The following CEP70 variants were observed in gnomAD, a reference collection of about 807,000 sequenced individuals.
CEP70 encodes the protein centrosomal protein of 70 kDa.
Under a neutral mutation model 90.9 loss-of-function variants are expected in CEP70, and 70 were observed. The observed-to-expected ratio is 0.77, with a 90% CI of 0.64 to 0.94. The LOEUF (loss-of-function observed/expected upper bound fraction) is 0.94, where lower values mean the gene tolerates loss of function less well. Among genes scored for constraint, CEP70 ranks in the 40% least tolerant of loss-of-function variants. The pLI, the probability that CEP70 is intolerant of heterozygous loss-of-function variation, is 0.00. For synonymous variants in CEP70, 220 were observed against 228.3 expected (o/e 0.96, Z 0.33); for missense variants, 648 against 669.0 (o/e 0.97, Z 0.35).
rs534371129 is a variant in CEP70 at position 138,583,869 on chromosome 3, A to T, written c.-6+7985T>A. 2.0e-5 allele frequency among the ~76,000 whole-genome samples: 3 copies of T among 152,196 alleles called. No individual in the cohort carries two copies. The South Asian group carries it at 6.2e-4, about 31-fold the overall frequency. Reference sequence around the variant, plus strand: ...TGAAAAGAAAAACTTCAAATAAACAACCTAATGAACTAGAACTAGAAAAGC... The same window carrying T: ...TGAAAAGAAAAACTTCAAATAAACATCCTAATGAACTAGAACTAGAAAAGC... On this transcript the variant is annotated intron_variant, in intron 2 of 17. Transcript: ENST00000264982.
chr3:138,568,770 G>A (rs2040955509), intron 6 of CEP70, among the ~76,000 whole-genome samples: 1 of 151,960 alleles, frequency 6.6e-6, no homozygotes, highest in Admixed American at 6.6e-5. Flanking sequence ...CACGAAGTCA[G>A]GAGTTCAAGA....
chr3:138,549,880 A>C (rs988267321), intron 6 of CEP70, among the ~76,000 whole-genome samples: 30 of 152,146 alleles, frequency 2.0e-4, no homozygotes, highest in South Asian at 6.2e-4. Context: ...GACGGTTCAC[A>C]TCAAAGGACT....
chr3:138,549,804 G>C (rs1447317108), intron 6 of CEP70, among the ~76,000 whole-genome samples: 1 of 152,098 alleles, frequency 6.6e-6, no homozygotes, highest in East Asian at 1.9e-4. Flanking sequence ...TCCTCACAGA[G>C]TCCATTTCAC....
intron 1 of CEP70, among the ~76,000 whole-genome samples, chr3:138,592,541 G>A (rs2108299550): frequency 6.6e-6 from 1 of 151,330 alleles, no homozygotes; most frequent in African/African-American, 2.4e-5. Context: ...CTTAAAATAA[G>A]ATTGTTGGGG....
intron 4 of CEP70, 38 bp from the exon 5 acceptor site, chr3:138,571,195 A>G (rs918539157): frequency 6.5e-7 from 1 of 1,549,206 alleles, no homozygotes; most frequent in South Asian, 1.2e-5. Context: ...TAGTAAAAAT[A>G]AAAGGCAAAA....
intron 6 of CEP70, among the ~76,000 whole-genome samples, chr3:138,544,507 G>GTA (rs1437375207): frequency 1.5e-5 from 2 of 136,562 alleles, no homozygotes; most frequent in Non-Finnish European, 3.2e-5. Context: ...CCACTACAGA[G>GTA]TGTGTATGTA....
chr3:138,558,131 G>T (rs1407047490), intron 6 of CEP70, among the ~76,000 whole-genome samples: 1 of 152,182 alleles, frequency 6.6e-6, no homozygotes, highest in African/African-American at 2.4e-5. Flanking sequence ...TTGCGAGGCC[G>T]AGGCAGGCGG....
rs1017628465 is a variant in CEP70, at chr3:138,550,510, T to G, written c.466-13163A>C. 2.6e-5 allele frequency among the ~76,000 whole-genome samples: 4 copies of G among 152,182 alleles called. No individual in the cohort carries two copies. The East Asian group carries it at 7.7e-4, about 29-fold the overall frequency. ...TCCTGAGTAGCTGGGATTACAGGCA[T>G]GTGCCACCACGCTTGGCTAATTTTG... On this transcript the variant is annotated intron_variant, in intron 6 of 17. Transcript: ENST00000264982.
chr3:138,572,556 T>C (rs1238299065), intron 3 of CEP70, among the ~76,000 whole-genome samples: 7 of 152,222 alleles, frequency 4.6e-5, no homozygotes, highest in Admixed American at 6.5e-5. Flanking sequence ...GATAAAGTAA[T>C]TGTAAATTCT....
chr3:138,525,793 C>G (rs2037172818), intron 10 of CEP70, among the ~76,000 whole-genome samples: 1 of 152,066 alleles, frequency 6.6e-6, no homozygotes, highest in South Asian at 2.1e-4. Flanking sequence ...TAATCTGTTA[C>G]TTGTTTTTAT....
At chr3:138,518,434 G>C (rs968839665) in intron 11 of CEP70, among the ~76,000 whole-genome samples, 1 of 152,202 alleles carries the variant, frequency 6.6e-6, no homozygotes. Flanking sequence ...GCACCTCCCA[G>C]TAGGGGCAGA....
At chr3:138,532,332 TACA>T (rs929066409) in intron 8 of CEP70, among the ~76,000 whole-genome samples, 179 bp downstream of exon 8, 6 of 152,194 alleles carry the variant, frequency 3.9e-5, no homozygotes, top group African/African-American at 1.2e-4. Flanking sequence ...TTAACATAAA[TACA>T]ACAATACATC....
At chr3:138,508,326 A>G (rs1322996544) in intron 12 of CEP70, 113 bp downstream of exon 12, 2 of 724,774 alleles carry the variant, frequency 2.8e-6, no homozygotes, top group African/African-American at 1.7e-5. Flanking sequence ...ATAAGTACAC[A>G]TAAATATGAG....
intron 2 of CEP70, among the ~76,000 whole-genome samples, chr3:138,577,167 G>T (rs773447): frequency 2.7e-5 from 4 of 150,092 alleles, no homozygotes; most frequent in East Asian, 1.9e-4. Flanking sequence ...GACACAGGAA[G>T]GGGAACATCA....
Position 138,570,402 on chromosome 3 carries a change from A to G in CEP70, c.381T>C (p.Gly127=), listed in dbSNP as rs1280333074. 1.2e-6 allele frequency: 2 copies of G among 1,608,736 alleles called. No homozygotes were observed. The highest frequency in any genetic ancestry group is 1.7e-6 in the Non-Finnish European group (2 of 1,178,056). Reference sequence around the variant, plus strand: ...TACTTAGTGATTCATCCTCCAATTCACCAATTTTGGATTTCACACTTTCCA... The same window carrying G: ...TACTTAGTGATTCATCCTCCAATTCGCCAATTTTGGATTTCACACTTTCCA... The part of the protein sequence containing the change: ...QIMESVKSKI[G]ELEDESLSRA... The change falls in exon 6 of 18, where the codon GGT becomes GGC. Residue 127 remains glycine, a synonymous_variant. Transcript: ENST00000264982.
intron 11 of CEP70, among the ~76,000 whole-genome samples, chr3:138,520,275 G>C (rs1026561233): frequency 6.6e-6 from 1 of 151,998 alleles, no homozygotes. Context: ...ACAGATCAAC[G>C]AGACAGAAAA....
At chr3:138,497,924 C>G (rs2034096017) in intron 17 of CEP70, 107 bp downstream of exon 17, 7 of 1,524,292 alleles carry the variant, frequency 4.6e-6, no homozygotes, top group Non-Finnish European at 6.1e-6. Flanking sequence ...TTAGTGGTTT[C>G]CAACCACTAG....
intron 2 of CEP70, among the ~76,000 whole-genome samples, chr3:138,573,671 G>A (rs2041332804): frequency 6.6e-6 from 1 of 152,190 alleles, no homozygotes; most frequent in Admixed American, 6.5e-5. Flanking sequence ...AAATGGGCGA[G>A]TTTAAACACA....
intron 16 of CEP70, among the ~76,000 whole-genome samples, chr3:138,498,535 C>A (rs1290668649): frequency 1.3e-5 from 2 of 151,366 alleles, no homozygotes; most frequent in African/African-American, 2.4e-5. Flanking sequence ...GGGGTTTCAC[C>A]GTGTTAGCCA....
Sources: gnomAD v4.1 joint callset for allele counts (sites outside exome capture counted in the v4.1 genomes callset) on GRCh38, gnomAD v4.1.1 for gene constraint, MANE v1.5 for transcripts, NCBI Gene and HGNC (gene_info 2026-07-23, HGNC 2026-07-21) for gene names.